The following SUMO3 variants were observed in gnomAD, a reference collection of about 807,000 sequenced individuals.
SUMO3 encodes small ubiquitin like modifier 3, also known as small ubiquitin-related modifier 3.
SUMO3 carries 2 observed loss-of-function variants against 11.1 expected under a neutral mutation model. That is an observed-to-expected ratio of 0.18 (90% CI 0.07 to 0.57). The LOEUF is 0.57. SUMO3 is among the 20% of genes least tolerant of loss of function. SUMO3 has a pLI of 0.92. For missense variants in SUMO3, 70 were observed against 132.8 expected, an observed-to-expected ratio of 0.53 and a Z score of 2.32; for synonymous variants, 56 against 53.5, an observed-to-expected ratio of 1.05 and a Z score of -0.20.
In SUMO3 at chr21:44,808,496, C is replaced by T. The variant is rs893886409; in HGVS notation, c.222+551G>A. 5 of 1,443,862 alleles carry T rather than the reference C, an allele frequency of 3.5e-6. No individual in the cohort carries two copies. The African/African-American group carries it at 7.3e-5, about 21-fold the overall frequency. The allele number at this position is 1,443,862 out of a possible 1,614,324, so 89.4% of individuals were successfully genotyped here. Reference sequence around the variant, plus strand: ...CGCCACTGCATTCTAGCCTGGGCAACAAAGCGAGACTCCGTCTCAAAAAAA... The same window carrying T: ...CGCCACTGCATTCTAGCCTGGGCAATAAAGCGAGACTCCGTCTCAAAAAAA... On this transcript the variant is annotated intron_variant, in intron 3 of 3. Coordinates refer to ENST00000332859, the MANE Select transcript of SUMO3 (RefSeq NM_006936.3).
In SUMO3 at chr21:44,809,031, G is replaced by A. The variant is rs776314670; in HGVS notation, c.222+16C>T. On this transcript the variant is annotated intron_variant, in intron 3 of 3. Coordinates refer to ENST00000332859, the MANE Select transcript of SUMO3 (RefSeq NM_006936.3). Reference sequence around the variant, plus strand: ...ATCGGAAGTCGCCCTGGAACCACGCGAAGCCAGCTCCGTACCTGTGCTGGA... The same window carrying A: ...ATCGGAAGTCGCCCTGGAACCACGCAAAGCCAGCTCCGTACCTGTGCTGGA... 16 of 1,612,664 alleles carry A rather than the reference G, an allele frequency of 9.9e-6. No individual in the cohort carries two copies. The highest frequency in any genetic ancestry group is 6.7e-5 in the African/African-American group (5 of 74,976).
chr21:44,808,250 T>A (rs7283639), intron 3 of SUMO3: 1 of 275,960 alleles, frequency 3.6e-6, no homozygotes, highest in Non-Finnish European at 6.7e-6. Flanking sequence ...CGTTGGCTCA[T>A]GCCTTTAATC....
In SUMO3 at chr21:44,817,960, C is replaced by T; in HGVS notation, c.9G>A (p.Glu3=). 3 of 1,084,440 alleles carry T rather than the reference C, an allele frequency of 2.8e-6. No individual in the cohort carries two copies. The highest frequency in any genetic ancestry group is 2.8e-5 in the African/African-American group (1 of 35,136). The allele number at this position is 1,084,440 out of a possible 1,614,324, so 67.2% of individuals were successfully genotyped here. Residue 3 remains glutamate (E), a synonymous_variant, in exon 1 of 4, where the codon GAG becomes GAA. Coordinates refer to ENST00000332859, the MANE Select transcript of SUMO3 (RefSeq NM_006936.3). The stretch of plus-strand genomic sequence containing the variant: ...TCGCCGCGCTTACCTTGGGCTTCTC[C>T]TCGGACATGGCTGCGCGAGCGGCGC... MS[E]EKPKEGVKTE...
At chr21:44,813,622 C>G in intron 2 of SUMO3, 1 of 584,340 alleles carries the variant, frequency 1.7e-6, no homozygotes, top group Non-Finnish European at 3.0e-6. Flanking sequence ...CCACCTGCAG[C>G]CCCAGAATGG....
rs2083183234 is a variant in SUMO3 at position 44,807,300 on chromosome 21, A to G, written c.223-260T>C. 6.6e-6 allele frequency among the ~76,000 whole-genome samples: 1 copy of G among 152,226 alleles called. No homozygotes were observed. Among genetic ancestry groups the G allele is most frequent in the Non-Finnish European group, 1.5e-5 (1 of 68,034 alleles). ...AAGCAGATTCAAAGCTAAAATGTTA[A>G]CTGAGAGAAAAACTGAGTCTAGAAG... On this transcript the variant is annotated intron_variant, in intron 3 of 3. Coordinates refer to ENST00000332859, the MANE Select transcript of SUMO3 (RefSeq NM_006936.3). The surrounding 1 kb of genome is among the most constrained non-coding windows in gnomAD (Gnocchi z 4.3).
Position 44,817,997 on chromosome 21 carries a change from G to C in SUMO3, c.-29C>G. ...TGCGCGAGCGGCGCGGGGAGGCGGC[G>C]CGGGGGAAGCAGCGCGGAGCGGGCG... On this transcript the variant is annotated 5_prime_UTR_variant, in exon 1 of 4. Transcript: ENST00000332859. 1 of 1,179,014 alleles carries C rather than the reference G, an allele frequency of 8.5e-7. No individual in the cohort carries two copies. Among genetic ancestry groups the C allele is most frequent in the Non-Finnish European group, 1.0e-6 (1 of 953,650 alleles). The allele number at this position is 1,179,014 out of a possible 1,614,324, so 73.0% of individuals were successfully genotyped here. A position where few individuals can be genotyped will look rare whatever the true frequency, so the allele number is the denominator to read the frequency against.
chr21:44,806,518 A>G lies in SUMO3; in HGVS notation c.*433T>C, dbSNP rs2083177629. On this transcript the variant is annotated 3_prime_UTR_variant, in exon 4 of 4. Transcript: ENST00000332859. ...CCTCCCTACCAACCTTGCCCCCAATACCTGTCCAACAGCTGCATCCCCACT... is the reference window on the plus strand; with the variant it reads ...CCTCCCTACCAACCTTGCCCCCAATGCCTGTCCAACAGCTGCATCCCCACT... The G allele has an allele frequency of 1.2e-5, 2 of 168,808 alleles. No homozygotes were observed. The highest frequency in any genetic ancestry group is 2.7e-3 in the Middle Eastern group (1 of 374). 10.5% of individuals were successfully genotyped at this position (168,808 alleles called of 1,614,324 possible). A position where few individuals can be genotyped will look rare whatever the true frequency, so the allele number is the denominator to read the frequency against.
At chr21:44,815,924 C>A (rs951198054) in intron 1 of SUMO3, among the ~76,000 whole-genome samples, 1 of 152,196 alleles carries the variant, frequency 6.6e-6, no homozygotes, top group African/African-American at 2.4e-5. Context: ...CTCAGCTATC[C>A]AGGGAAGTCA....
intron 1 of SUMO3, among the ~76,000 whole-genome samples, chr21:44,815,853 G>A (rs570241787): frequency 6.6e-6 from 1 of 152,218 alleles, no homozygotes; most frequent in Non-Finnish European, 1.5e-5. Flanking sequence ...AAGTGAACTC[G>A]TGAGTTAAAA....
At position 44,817,937 on chromosome 21, in the gene SUMO3, G is replaced by T; in HGVS notation, c.21+11C>A. On this transcript the variant is annotated intron_variant, in intron 1 of 3. Coordinates refer to ENST00000332859, the MANE Select transcript of SUMO3 (RefSeq NM_006936.3). The stretch of plus-strand genomic sequence containing the variant: ...GATAGACGCGCGTGCAGGCGGGGTC[G>T]CCGCGCTTACCTTGGGCTTCTCCTC... 1 of 1,171,652 alleles carries T rather than the reference G, an allele frequency of 8.5e-7. No homozygotes were observed. Among genetic ancestry groups the T allele is most frequent in the Non-Finnish European group, 1.1e-6 (1 of 949,360 alleles). The allele number at this position is 1,171,652 out of a possible 1,614,324, so 72.6% of individuals were successfully genotyped here.
chr21:44,811,203 TACAC>T lies in SUMO3; in HGVS notation c.151-2089_151-2086del, dbSNP rs752657903. ...ACACACATGCACAAAGACACGGACA[TACAC>T]ACCACACACACCTACACTCACGATT... On this transcript the variant is annotated intron_variant, in intron 2 of 3. Transcript: ENST00000332859. This position sits in a 1 kb window ranked among gnomAD's most constrained non-coding sequence, Gnocchi z 5.0. Among the ~76,000 whole-genome samples the T allele has an allele frequency of 2.6e-5, 4 of 151,428 alleles. No homozygotes were observed. Among genetic ancestry groups the T allele is most frequent in the South Asian group, 2.1e-4 (1 of 4,800 alleles).
At chr21:44,813,264 G>C (rs1374771434) in intron 2 of SUMO3, among the ~76,000 whole-genome samples, 1 of 152,164 alleles carries the variant, frequency 6.6e-6, no homozygotes, top group East Asian at 1.9e-4. Context: ...AGGGCGCCTG[G>C]CTGCAGGGCC....
intron 1 of SUMO3, among the ~76,000 whole-genome samples, chr21:44,817,083 C>T (rs1255176045): frequency 7.5e-6 from 1 of 133,954 alleles, no homozygotes; most frequent in Non-Finnish European, 1.6e-5. Context: ...GAGGGGTGGG[C>T]GCACACCAGG....
Position 44,806,678 on chromosome 21 carries a change from G to A in SUMO3, c.*273C>T. ...GGGTTAAAAAAATGTTGTAGGAGGGGGGGAAAACACAAATGAGCACACAAA... is the reference window on the plus strand; with the variant it reads ...GGGTTAAAAAAATGTTGTAGGAGGGAGGGAAAACACAAATGAGCACACAAA... On this transcript the variant is annotated 3_prime_UTR_variant, in exon 4 of 4. Transcript: ENST00000332859. 2.8e-6 allele frequency: 2 copies of A among 715,366 alleles called. No individual in the cohort carries two copies. Among genetic ancestry groups the A allele is most frequent in the Admixed American group, 7.6e-5 (2 of 26,424 alleles). 44.3% of individuals were successfully genotyped at this position (715,366 alleles called of 1,614,324 possible).
intron 1 of SUMO3, among the ~76,000 whole-genome samples, chr21:44,815,738 G>A (rs1202641033): frequency 6.6e-6 from 1 of 152,178 alleles, no homozygotes; most frequent in Non-Finnish European, 1.5e-5. Context: ...GGGGGGAATG[G>A]CTGCAGCCCC....
intron 1 of SUMO3, among the ~76,000 whole-genome samples, chr21:44,815,319 G>C (rs1023651931): frequency 3.9e-5 from 6 of 152,170 alleles, no homozygotes; most frequent in African/African-American, 1.4e-4. Context: ...ATGGTGCTCT[G>C]TCAAGGGAGC....
chr21:44,818,005 A>C lies in SUMO3; in HGVS notation c.-37T>G. On this transcript the variant is annotated 5_prime_UTR_variant, in exon 1 of 4. Transcript: ENST00000332859. ...CGGCGCGGGGAGGCGGCGCGGGGGA[A>C]GCAGCGCGGAGCGGGCGAGTCACGC... 1.7e-6 allele frequency: 2 copies of C among 1,161,748 alleles called. No homozygotes were observed. Among genetic ancestry groups the C allele is most frequent in the Non-Finnish European group, 2.1e-6 (2 of 945,526 alleles). 72.0% of individuals were successfully genotyped at this position (1,161,748 alleles called of 1,614,324 possible).
intron 2 of SUMO3, chr21:44,813,580 G>T (rs149238021): frequency 1.5e-5 from 4 of 267,806 alleles, no homozygotes; most frequent in South Asian, 1.5e-4. Flanking sequence ...GCTCATACGC[G>T]AGGACAGGGT....
Position 44,806,934 on chromosome 21 carries a change from G to T in SUMO3, c.*17C>A. The T allele has an allele frequency of 6.2e-7, 1 of 1,614,002 alleles. No homozygotes were observed. The highest frequency in any genetic ancestry group is 1.1e-5 in the South Asian group (1 of 91,074). The stretch of plus-strand genomic sequence containing the variant: ...CAGCAATGCGAGGATGGACGGCCCG[G>T]GCTGGGGACGGGCCCTCTAGAAACT... On this transcript the variant is annotated 3_prime_UTR_variant, in exon 4 of 4. Coordinates refer to ENST00000332859, the MANE Select transcript of SUMO3 (RefSeq NM_006936.3).
Sources: gnomAD v4.1 joint callset for allele counts (sites outside exome capture counted in the v4.1 genomes callset) on GRCh38, gnomAD v4.1.1 for gene constraint, Gnocchi (gnomAD v3.1) non-coding constraint, MANE v1.5 for transcripts, NCBI Gene and HGNC (gene_info 2026-07-23, HGNC 2026-07-21) for gene names.